Variants in STXBP5L observed in about 807,000 individuals in gnomAD.
The protein encoded by STXBP5L is syntaxin-binding protein 5-like.
A neutral mutation model predicts 144.5 loss-of-function variants in STXBP5L; 65 were observed. That is an observed-to-expected ratio of 0.45 (90% CI 0.37 to 0.55). The LOEUF is 0.55. Among genes scored for constraint, STXBP5L ranks in the 20% least tolerant of loss-of-function variants. The pLI, the probability that STXBP5L is intolerant of heterozygous loss-of-function variation, is 0.00. For synonymous variants in STXBP5L, 505 were observed against 469.6 expected, an observed-to-expected ratio of 1.08 and a Z score of -0.97; for missense variants, 1,298 against 1,405.5, an observed-to-expected ratio of 0.92 and a Z score of 1.22.
Position 121,423,194 on chromosome 3 carries a change from G to A in STXBP5L, c.*4097G>A, listed in dbSNP as rs1045546607. 2 of 152,204 alleles carry A rather than the reference G, an allele frequency of 1.3e-5. No individual in the cohort carries two copies. The highest frequency in any genetic ancestry group is 2.4e-5 in the African/African-American group (1 of 41,432). 9.4% of individuals were successfully genotyped at this position (152,204 alleles called of 1,614,324 possible). A position where few individuals can be genotyped will look rare whatever the true frequency, so the allele number is the denominator to read the frequency against. Reference sequence around the variant, plus strand: ...TCTTGGTATCTGTGTCAGGAGAAACGTGGTGGCTTTCACAGCTTCTTCACC... The same window carrying A: ...TCTTGGTATCTGTGTCAGGAGAAACATGGTGGCTTTCACAGCTTCTTCACC... On this transcript the variant is annotated 3_prime_UTR_variant, in exon 27 of 27. Transcript: ENST00000471454.
rs529053786 is a variant in STXBP5L, at chr3:121,068,824, T to C, written c.470+23289T>C. Among the ~76,000 whole-genome samples, 234 of 152,186 alleles carry C rather than the reference T, an allele frequency of 1.5e-3. 2 individuals carry two copies. Among genetic ancestry groups the C allele is most frequent in the Non-Finnish European group, 2.3e-3 (154 of 68,028 alleles). On this transcript the variant is annotated intron_variant, in intron 5 of 26. Transcript: ENST00000471454. ...ATTCTTTTTCTTTTGCCTGAAAATT[T>C]TTCTTTATTCTTTATTTTACTGCAG...
At chr3:121,405,277 C>T (rs551079206) in intron 22 of STXBP5L, among the ~76,000 whole-genome samples, 1 of 152,012 alleles carries the variant, frequency 6.6e-6, no homozygotes, top group African/African-American at 2.4e-5. Flanking sequence ...AATTTATCTA[C>T]CTTTTTTCAA....
intron 5 of STXBP5L, among the ~76,000 whole-genome samples, chr3:121,080,319 C>G (rs1269278608): frequency 2.0e-5 from 3 of 152,148 alleles, no homozygotes; most frequent in South Asian, 4.1e-4. Flanking sequence ...AGGCCATTTA[C>G]ATTCAATATT....
At chr3:121,003,655 A>G (rs574646028) in intron 3 of STXBP5L, among the ~76,000 whole-genome samples, 4 of 152,272 alleles carry the variant, frequency 2.6e-5, no homozygotes, top group African/African-American at 9.6e-5. Flanking sequence ...GGTATTGCCT[A>G]GGTTTTCTTC....
intron 20 of STXBP5L, among the ~76,000 whole-genome samples, chr3:121,365,993 T>C (rs552620206): frequency 5.0e-4 from 76 of 152,002 alleles, no homozygotes; most frequent in Non-Finnish European, 8.3e-4. Flanking sequence ...AATTATTTTC[T>C]AATTTTCATC....
intron 23 of STXBP5L, among the ~76,000 whole-genome samples, chr3:121,408,858 T>C (rs1027020624): frequency 4.0e-5 from 6 of 151,868 alleles, no homozygotes; most frequent in Non-Finnish European, 8.8e-5. Flanking sequence ...TGAACAGTAA[T>C]GGAAGTTGTT....
chr3:121,326,033 A>C (rs2108547332), intron 20 of STXBP5L, among the ~76,000 whole-genome samples: 1 of 151,960 alleles, frequency 6.6e-6, no homozygotes, highest in East Asian at 1.9e-4. Context: ...AAACTCAGTT[A>C]TCACTGTAAG....
Position 121,422,648 on chromosome 3 carries a change from G to T in STXBP5L, c.*3551G>T, listed in dbSNP as rs1174306480. The T allele has an allele frequency of 6.6e-6, 1 of 152,100 alleles. No individual in the cohort carries two copies. Among genetic ancestry groups the T allele is most frequent in the South Asian group, 2.1e-4 (1 of 4,830 alleles). 9.4% of individuals were successfully genotyped at this position (152,100 alleles called of 1,614,324 possible). ...ACTTTAGGGCCCCAATCATTGTCAA[G>T]ATCATTGTCTAACTGGAACTCTGAA... On this transcript the variant is annotated 3_prime_UTR_variant, in exon 27 of 27. Coordinates refer to ENST00000471454, the MANE Select transcript of STXBP5L (RefSeq NM_001308330.2).
intron 3 of STXBP5L, among the ~76,000 whole-genome samples, chr3:121,034,502 CTATA>C (rs1946616004): frequency 6.6e-6 from 1 of 152,014 alleles, no homozygotes; most frequent in South Asian, 2.1e-4. Context: ...ATATATCTCT[CTATA>C]TAGCTGTACC....
At chr3:121,108,258 G>A (rs1365556435) in intron 5 of STXBP5L, among the ~76,000 whole-genome samples, 1 of 152,160 alleles carries the variant, frequency 6.6e-6, no homozygotes, top group Non-Finnish European at 1.5e-5. Flanking sequence ...TGTTGAATAG[G>A]AGTGGTGAGA....
intron 3 of STXBP5L, among the ~76,000 whole-genome samples, chr3:121,007,947 A>C (rs544083141): frequency 6.6e-6 from 1 of 152,116 alleles, no homozygotes; most frequent in African/African-American, 2.4e-5. Flanking sequence ...TTATAATGGG[A>C]GAGTTAGTGG....
intron 3 of STXBP5L, among the ~76,000 whole-genome samples, chr3:121,027,345 T>C (rs1321818978): frequency 6.6e-6 from 1 of 152,064 alleles, no homozygotes; most frequent in African/African-American, 2.4e-5. Flanking sequence ...GATATCAGGG[T>C]CAAGAGGAAC....
intron 3 of STXBP5L, among the ~76,000 whole-genome samples, chr3:121,021,600 A>G (rs774264265): frequency 6.6e-6 from 1 of 152,176 alleles, no homozygotes; most frequent in Non-Finnish European, 1.5e-5. Context: ...ACTGGAAATC[A>G]TCTTCAAAAG....
chr3:121,044,314 A>G (rs1318546722), intron 4 of STXBP5L, among the ~76,000 whole-genome samples: 3 of 152,158 alleles, frequency 2.0e-5, no homozygotes, highest in African/African-American at 7.2e-5. Context: ...GAGACCTATC[A>G]TAGGATACAT....
rs1348226607 is a variant in STXBP5L, at chr3:121,190,789, G to A, written c.878-15134G>A. Among the ~76,000 whole-genome samples the A allele has an allele frequency of 1.6e-4, 15 of 96,330 alleles. No individual in the cohort carries two copies. In the East Asian group the frequency reaches 1.9e-3, roughly 12 times the overall value. The allele number at this position is 96,330 out of a possible 152,430, so 63.2% of individuals were successfully genotyped here. A position where few individuals can be genotyped will look rare whatever the true frequency, so the allele number is the denominator to read the frequency against. ...GGGCTCCTCAATTCCCAGATGGGGC[G>A]GCTGCTGGGCGGAGGGGCTCCTCAC... On this transcript the variant is annotated intron_variant, in intron 9 of 26. Coordinates refer to ENST00000471454, the MANE Select transcript of STXBP5L (RefSeq NM_001308330.2).
intron 7 of STXBP5L, among the ~76,000 whole-genome samples, chr3:121,135,838 C>T (rs1172886432): frequency 6.6e-6 from 1 of 152,136 alleles, no homozygotes; most frequent in African/African-American, 2.4e-5. Context: ...CAACACCATC[C>T]AATGGGCTGA....
chr3:121,059,673 C>G (rs1425198586), intron 5 of STXBP5L, among the ~76,000 whole-genome samples: 5 of 152,228 alleles, frequency 3.3e-5, no homozygotes, highest in African/African-American at 1.2e-4. Context: ...TGTAGCTCTC[C>G]TCGAAGAGGT....
In STXBP5L at chr3:121,114,598, C is replaced by T. The variant is rs115727752; in HGVS notation, c.471-327C>T. 3.9e-3 allele frequency among the ~76,000 whole-genome samples: 594 copies of T among 152,104 alleles called. 1 individual carries two copies. The highest frequency in any genetic ancestry group is 3.7e-3 in the Non-Finnish European group (251 of 67,968). ...GAATCCCGGTTTTGCTGCTTATTAGCGGTCTTAGGCAAGTAAACAAAAAAA... is the reference window on the plus strand; with the variant it reads ...GAATCCCGGTTTTGCTGCTTATTAGTGGTCTTAGGCAAGTAAACAAAAAAA... On this transcript the variant is annotated intron_variant, in intron 5 of 26. Transcript: ENST00000471454.
intron 22 of STXBP5L, among the ~76,000 whole-genome samples, chr3:121,389,010 C>A (rs981305929): frequency 6.6e-6 from 1 of 152,134 alleles, no homozygotes; most frequent in Admixed American, 6.5e-5. Flanking sequence ...GCTATGAATC[C>A]ATCTGATCCT....
Sources: gnomAD v4.1 joint callset for allele counts (sites outside exome capture counted in the v4.1 genomes callset) on GRCh38, gnomAD v4.1.1 for gene constraint, MANE v1.5 for transcripts, NCBI Gene and HGNC (gene_info 2026-07-23, HGNC 2026-07-21) for gene names.